The following ZFPM1 variants were observed in gnomAD, a reference collection of about 807,000 sequenced individuals.
ZFPM1 encodes zinc finger protein ZFPM1.
A neutral mutation model predicts 46.3 loss-of-function variants in ZFPM1; 28 were observed. The observed-to-expected ratio is 0.60, with a 90% CI of 0.45 to 0.83. The LOEUF is 0.83. Ranked by LOEUF, ZFPM1 falls within the 40% of genes least tolerant of loss-of-function variation. The pLI, the probability that ZFPM1 is intolerant of heterozygous loss-of-function variation, is 0.00. For synonymous variants in ZFPM1, 957 were observed against 675.9 expected (o/e 1.42, Z -6.45); for missense variants, 1,878 against 1,432.4 (o/e 1.31, Z -5.02).
chr16:88,483,065 G>A (rs571359633), intron 1 of ZFPM1, among the ~76,000 whole-genome samples: 15 of 152,258 alleles, frequency 9.9e-5, no homozygotes, highest in Admixed American at 2.6e-4. Context: ...GAGCCTGCCC[G>A]TGTGGGCGCT....
At chr16:88,498,936 G>C (rs1910093868) in intron 3 of ZFPM1, among the ~76,000 whole-genome samples, 2 of 152,196 alleles carry the variant, frequency 1.3e-5, no homozygotes, top group Admixed American at 1.3e-4. Flanking sequence ...CCCAGGCCTG[G>C]GTGGGGGCTG....
chr16:88,505,001 G>A (rs1910570562), intron 3 of ZFPM1, among the ~76,000 whole-genome samples: 1 of 152,236 alleles, frequency 6.6e-6, no homozygotes, highest in South Asian at 2.1e-4. Flanking sequence ...CCATTAGCTG[G>A]GGCCAGGGTT....
At chr16:88,528,525 C>T (rs560458424) in intron 6 of ZFPM1, among the ~76,000 whole-genome samples, 1 of 152,348 alleles carries the variant, frequency 6.6e-6, no homozygotes, top group Non-Finnish European at 1.5e-5. Context: ...GAAGCCAGTG[C>T]TTTCCCTGGG....
In ZFPM1 at chr16:88,534,407, C is replaced by T. The variant is rs748976196; in HGVS notation, c.2449C>T (p.His817Tyr). 6.7e-7 allele frequency: 1 copy of T among 1,483,934 alleles called. No homozygotes were observed. The highest frequency in any genetic ancestry group is 8.9e-7 in the Non-Finnish European group (1 of 1,123,822). 91.9% of individuals were successfully genotyped at this position (1,483,934 alleles called of 1,614,324 possible). Residue 817 changes from histidine (H) to tyrosine (Y), a missense_variant, in exon 10 of 10, where the codon CAC becomes TAC. Physicochemically the swap from His to Tyr is moderately conservative, Grantham distance 83. Coordinates refer to ENST00000319555, the MANE Select transcript of ZFPM1 (RefSeq NM_153813.3). ...GAPAPALADY[H>Y]ECTACRVSFH... Reference sequence around the variant, plus strand: ...CCCGGCACCGGCGCTGGCCGACTACCACGAGTGCACGGCCTGCCGCGTGAG... The same window carrying T: ...CCCGGCACCGGCGCTGGCCGACTACTACGAGTGCACGGCCTGCCGCGTGAG...
chr16:88,504,209 G>A (rs1053522275), intron 3 of ZFPM1, among the ~76,000 whole-genome samples: 2 of 152,144 alleles, frequency 1.3e-5, no homozygotes, highest in Middle Eastern at 3.2e-3. Flanking sequence ...CTGGAAAAAC[G>A]GGGCAGAGGC....
intron 1 of ZFPM1, among the ~76,000 whole-genome samples, chr16:88,457,571 G>T (rs927147340): frequency 5.3e-5 from 8 of 152,170 alleles, no homozygotes; most frequent in African/African-American, 1.9e-4. Flanking sequence ...TTGATGCTTA[G>T]GCTGCGAAGC....
At chr16:88,470,793 G>A (rs1314375509) in intron 1 of ZFPM1, among the ~76,000 whole-genome samples, 1 of 106,558 alleles carries the variant, frequency 9.4e-6, no homozygotes, top group Non-Finnish European at 2.0e-5. Context: ...GTGGAGGGCC[G>A]GGTGGTGACG....
At chr16:88,503,646 C>T (rs74035513) in intron 3 of ZFPM1, among the ~76,000 whole-genome samples, 3 of 152,116 alleles carry the variant, frequency 2.0e-5, no homozygotes, top group African/African-American at 4.8e-5. Flanking sequence ...TTGGGGTGAT[C>T]GGTGCCATGG....
At chr16:88,514,326 G>A in intron 3 of ZFPM1, 61 bp from the exon 4 acceptor site, 2 of 1,544,084 alleles carry the variant, frequency 1.3e-6, no homozygotes, top group Non-Finnish European at 1.7e-6. Context: ...AACCCTAGCG[G>A]GAGGTGGGCT....
chr16:88,462,448 G>A (rs1907941071), intron 1 of ZFPM1, among the ~76,000 whole-genome samples: 1 of 152,234 alleles, frequency 6.6e-6, no homozygotes, highest in South Asian at 2.1e-4. Flanking sequence ...GGTCAGAGAG[G>A]GTGGGTGGCT....
At chr16:88,463,651 C>T (rs543643289) in intron 1 of ZFPM1, among the ~76,000 whole-genome samples, 1 of 152,392 alleles carries the variant, frequency 6.6e-6, no homozygotes, top group African/African-American at 2.4e-5. Flanking sequence ...GGAGCTTGAG[C>T]TCCTAGATCT....
intron 3 of ZFPM1, among the ~76,000 whole-genome samples, chr16:88,509,873 C>A (rs975087336): frequency 6.6e-6 from 1 of 152,242 alleles, no homozygotes; most frequent in East Asian, 1.9e-4. Flanking sequence ...TGCTGCCACA[C>A]GCGCGTCACG....
intron 4 of ZFPM1, among the ~76,000 whole-genome samples, chr16:88,520,646 T>TG (rs1212022219): frequency 1.2e-5 from 1 of 86,490 alleles, no homozygotes; most frequent in Non-Finnish European, 2.2e-5. Flanking sequence ...GATAGATGGA[T>TG]GGGTGGATGG....
chr16:88,533,373 C>A lies in ZFPM1; in HGVS notation c.1415C>A (p.Ala472Glu), dbSNP rs1038637817. ...GTGGAGGCGGTGGAGGAGCCGGAGG[C>A]GGCCCCCATCCTGGGCCCCGGAGAG... ...IKVEAVEEPE[A>E]APILGPGEPG... Residue 472 changes from alanine to glutamate, a missense_variant, in exon 10 of 10, where the codon GCG becomes GAG. Ala to Glu is a moderately radical substitution (Grantham distance 107). Coordinates refer to ENST00000319555, the MANE Select transcript of ZFPM1 (RefSeq NM_153813.3). 1.3e-6 allele frequency: 2 copies of A among 1,528,590 alleles called. No homozygotes were observed. The highest frequency in any genetic ancestry group is 2.5e-5 in the East Asian group (1 of 39,764). 94.7% of individuals were successfully genotyped at this position (1,528,590 alleles called of 1,614,324 possible). A position where few individuals can be genotyped will look rare whatever the true frequency, so the allele number is the denominator to read the frequency against.
At chr16:88,529,417 TA>T (rs1230493584) in intron 6 of ZFPM1, among the ~76,000 whole-genome samples, 1 of 152,146 alleles carries the variant, frequency 6.6e-6, no homozygotes, top group African/African-American at 2.4e-5. Flanking sequence ...AGCCAGTGGT[TA>T]GGGGCAAAGA....
At position 88,533,785 on chromosome 16, in the gene ZFPM1, G is replaced by T; in HGVS notation, c.1827G>T (p.Ala609=). ...CAGGCCGCCGTGCGCCCGAGGACGC[G>T]CCTGCCGCGCGCAGGCCCAAGGCGC... The part of the protein sequence containing the change: ...YCSGRRAPED[A]PAARRPKAPP... The change falls in exon 10 of 10, where the codon GCG becomes GCT. Residue 609 remains alanine (A), a synonymous_variant. Transcript: ENST00000319555. 1 of 1,301,122 alleles carries T rather than the reference G, an allele frequency of 7.7e-7. No individual in the cohort carries two copies. The highest frequency in any genetic ancestry group is 4.4e-5 in the East Asian group (1 of 22,526). 80.6% of individuals were successfully genotyped at this position (1,301,122 alleles called of 1,614,324 possible).
intron 3 of ZFPM1, among the ~76,000 whole-genome samples, chr16:88,494,801 G>A (rs542809791): frequency 2.2e-3 from 339 of 152,258 alleles, no homozygotes; most frequent in African/African-American, 7.8e-3. Flanking sequence ...GGGTCTGAGC[G>A]TGATCCCAGA....
rs760221279 is a variant in ZFPM1 at position 88,532,826 on chromosome 16, G to C, written c.1080G>C (p.Arg360Ser). The C allele has an allele frequency of 6.2e-7, 1 of 1,613,398 alleles. No individual in the cohort carries two copies. Reference protein sequence around the residue: ...CHSCGFISTTRDILYSHLVTN... With the variant: ...CHSCGFISTTSDILYSHLVTN... Reference sequence around the variant, plus strand: ...GCTGTGGCTTCATCTCCACCACAAGGGACATCCTCTACAGCCACTTGGTCA... The same window carrying C: ...GCTGTGGCTTCATCTCCACCACAAGCGACATCCTCTACAGCCACTTGGTCA... Residue 360 changes from arginine (R) to serine (S), a missense_variant, in exon 9 of 10, where the codon AGG becomes AGC. By Grantham distance (110) the Arg-to-Ser change is moderately radical. Coordinates refer to ENST00000319555, the MANE Select transcript of ZFPM1 (RefSeq NM_153813.3).
Position 88,480,430 on chromosome 16 carries a change from T to C in ZFPM1, c.41-5509T>C, listed in dbSNP as rs139023122. Among the ~76,000 whole-genome samples, 813 of 150,888 alleles carry C rather than the reference T, an allele frequency of 5.4e-3. 4 individuals are homozygous for C. Among genetic ancestry groups the C allele is most frequent in the African/African-American group, 0.019 (759 of 41,022 alleles). On this transcript the variant is annotated intron_variant, in intron 1 of 9. Transcript: ENST00000319555. The surrounding 1 kb of genome is among the most constrained non-coding windows in gnomAD (Gnocchi z 4.9). ...GTGAGTGAGGGAGCGGATGAAAGAG[T>C]GAAGGAAAGAGCCGTGGTGCTGGTG...
Sources: gnomAD v4.1 joint callset for allele counts (sites outside exome capture counted in the v4.1 genomes callset) on GRCh38, gnomAD v4.1.1 for gene constraint, Gnocchi (gnomAD v3.1) non-coding constraint, MANE v1.5 for transcripts, NCBI Gene and HGNC (gene_info 2026-07-23, HGNC 2026-07-21) for gene names.